Variants in PGAP1 observed in about 807,000 individuals in gnomAD.
The protein encoded by PGAP1 is post-GPI attachment to proteins inositol deacylase 1.
A neutral mutation model predicts 127.0 loss-of-function variants in PGAP1; 76 were observed. The ratio of observed to expected loss-of-function variants is 0.60; its 90% confidence interval spans 0.50 to 0.72. The LOEUF is 0.72. Among genes scored for constraint, PGAP1 ranks in the 30% least tolerant of loss-of-function variants. PGAP1 has a pLI of 0.00. For missense variants in PGAP1, 982 were observed against 1,071.3 expected, an observed-to-expected ratio of 0.92 and a Z score of 1.16; for synonymous variants, 362 against 366.5, an observed-to-expected ratio of 0.99 and a Z score of 0.14.
At chr2:196,856,132 G>A (rs1416113902) in intron 20 of PGAP1, among the ~76,000 whole-genome samples, 1 of 152,112 alleles carries the variant, frequency 6.6e-6, no homozygotes, top group East Asian at 1.9e-4. Context: ...TCGTGCCTCA[G>A]TATCCTGAGT....
rs1291184120 is a variant in PGAP1 at position 196,867,484 on chromosome 2, C to T, written c.1768-2404G>A. On this transcript the variant is annotated intron_variant, in intron 19 of 26. Transcript: ENST00000354764. ...ACACCAGGGCCTGTCCAGGGGTGGG[C>T]GGCTAAGGGAGGGATAGCTTTAGGA... 4.6e-5 allele frequency among the ~76,000 whole-genome samples: 7 copies of T among 151,910 alleles called. No individual in the cohort carries two copies. In the East Asian group the frequency reaches 5.8e-4, roughly 13 times the overall value.
chr2:196,840,406 A>T lies in PGAP1; in HGVS notation c.*828T>A, dbSNP rs1700373575. 1 of 152,158 alleles carries T rather than the reference A, an allele frequency of 6.6e-6. No homozygotes were observed. Among genetic ancestry groups the T allele is most frequent in the South Asian group, 2.1e-4 (1 of 4,820 alleles). The allele number at this position is 152,158 out of a possible 1,614,324, so 9.4% of individuals were successfully genotyped here. A position where few individuals can be genotyped will look rare whatever the true frequency, so the allele number is the denominator to read the frequency against. On this transcript the variant is annotated 3_prime_UTR_variant, in exon 27 of 27. Transcript: ENST00000354764. ...ATGACCTCAGGCACTTTTGGCAACC[A>T]TGGTGCAATGAATTGAATCCAATGG...
chr2:196,839,508 G>A lies in PGAP1; in HGVS notation c.*1726C>T, dbSNP rs972191729. On this transcript the variant is annotated 3_prime_UTR_variant, in exon 27 of 27. Coordinates refer to ENST00000354764, the MANE Select transcript of PGAP1 (RefSeq NM_024989.4). Reference sequence around the variant, plus strand: ...CTCTCAAACAAACAAGCACCTGTCTGCCATATCCCCACCACGAGTTTATCA... The same window carrying A: ...CTCTCAAACAAACAAGCACCTGTCTACCATATCCCCACCACGAGTTTATCA... 1 of 152,150 alleles carries A rather than the reference G, an allele frequency of 6.6e-6. No homozygotes were observed. The highest frequency in any genetic ancestry group is 2.4e-5 in the African/African-American group (1 of 41,396). 9.4% of individuals were successfully genotyped at this position (152,150 alleles called of 1,614,324 possible).
At position 196,847,274 on chromosome 2, in the gene PGAP1, G is replaced by A. The variant is rs757894156; in HGVS notation, c.1953-74C>T. ...TAAGGACTTAATATTTGAGGTGTCT[G>A]ACTATTCAAGAGAGTCTCTAAAGTT... On this transcript the variant is annotated intron_variant, in intron 21 of 26. Transcript: ENST00000354764. 7.4e-4 allele frequency: 827 copies of A among 1,110,994 alleles called. 3 individuals are homozygous for A. Among genetic ancestry groups the A allele is most frequent in the South Asian group, 9.7e-4 (64 of 66,314 alleles). The allele number at this position is 1,110,994 out of a possible 1,614,324, so 68.8% of individuals were successfully genotyped here. A position where few individuals can be genotyped will look rare whatever the true frequency, so the allele number is the denominator to read the frequency against.
chr2:196,847,948 C>A lies in PGAP1; in HGVS notation c.1951G>T (p.Gly651Trp). The A allele has an allele frequency of 6.4e-7, 1 of 1,562,460 alleles. No individual in the cohort carries two copies. Among genetic ancestry groups the A allele is most frequent in the Non-Finnish European group, 8.7e-7 (1 of 1,155,214 alleles). Residue 651 changes from glycine (G) to tryptophan (W), a missense_variant and splice_region_variant, in exon 21 of 27, where the codon GGG (glycine) becomes TGG (tryptophan). Coordinates refer to ENST00000354764, the MANE Select transcript of PGAP1 (RefSeq NM_024989.4). ...PFVIIIKFLL[G>W]YKWFKELWDV... is the part of the protein sequence containing the mutation. The stretch of plus-strand genomic sequence containing the variant: ...ATTATCACAGATAATAAAACTTACC[C>A]CAACAGAAACTTAATGATAATTACA...
Position 196,833,815 on chromosome 2 carries a change from T to C in PGAP1, c.*7419A>G, listed in dbSNP as rs1362455806. 1 of 152,058 alleles carries C rather than the reference T, an allele frequency of 6.6e-6. No individual in the cohort carries two copies. Among genetic ancestry groups the C allele is most frequent in the Non-Finnish European group, 1.5e-5 (1 of 67,960 alleles). The allele number at this position is 152,058 out of a possible 1,614,324, so 9.4% of individuals were successfully genotyped here. ...ATGATTATCCTGTGAATAAAATAAT[T>C]TGGACCTTAATATAAATTATATCCA... On this transcript the variant is annotated 3_prime_UTR_variant, in exon 27 of 27. Transcript: ENST00000354764.
In PGAP1 at chr2:196,833,670, C is replaced by T. The variant is rs144889607; in HGVS notation, c.*7564G>A. ...TAGAGAAATCTATATTTTTGTCTGGCGAGTAGGTAGTGGAGGTAAAATGGG... is the reference window on the plus strand; with the variant it reads ...TAGAGAAATCTATATTTTTGTCTGGTGAGTAGGTAGTGGAGGTAAAATGGG... On this transcript the variant is annotated 3_prime_UTR_variant, in exon 27 of 27. Transcript: ENST00000354764. 5.3e-5 allele frequency: 8 copies of T among 151,930 alleles called. No individual in the cohort carries two copies. Among genetic ancestry groups the T allele is most frequent in the African/African-American group, 1.2e-4 (5 of 41,450 alleles). The allele number at this position is 151,930 out of a possible 1,614,324, so 9.4% of individuals were successfully genotyped here.
chr2:196,842,426 C>A (rs562627608), intron 26 of PGAP1, among the ~76,000 whole-genome samples: 3 of 152,138 alleles, frequency 2.0e-5, no homozygotes, highest in African/African-American at 7.2e-5. Context: ...CAAATCATGG[C>A]CAATTTTATC....
Position 196,900,366 on chromosome 2 carries a change from G to A in PGAP1, c.808-1997C>T, listed in dbSNP as rs545239207. The stretch of plus-strand genomic sequence containing the variant: ...TTACAGCAGTTTAGTCAACCCTCTT[G>A]ATACAATTATGGTCTCTAACTTAAA... On this transcript the variant is annotated intron_variant, in intron 5 of 26. Coordinates refer to ENST00000354764, the MANE Select transcript of PGAP1 (RefSeq NM_024989.4). 6.6e-5 allele frequency among the ~76,000 whole-genome samples: 10 copies of A among 152,236 alleles called. No individual in the cohort carries two copies. In the South Asian group the frequency reaches 2.1e-3, roughly 32 times the overall value.
At position 196,912,865 on chromosome 2, in the gene PGAP1, C is replaced by T. The variant is rs12693800; in HGVS notation, c.649+17G>A. The T allele has an allele frequency of 0.88, 1,378,129 of 1,565,298 alleles. 607,253 individuals are homozygous for T. Among genetic ancestry groups the T allele is most frequent in the East Asian group, 0.98 (43,023 of 43,974 alleles). On this transcript the variant is annotated intron_variant, in intron 4 of 26. Transcript: ENST00000354764. ...AAATAACAATGGGGAGGTTAATGTT[C>T]ATGTAACAGTACTCACCTGTAATGA...
chr2:196,843,802 T>C, intron 25 of PGAP1, 86 bp downstream of exon 25: 1 of 791,698 alleles, frequency 1.3e-6, no homozygotes, highest in Non-Finnish European at 1.8e-6. Flanking sequence ...GGAATTTTCA[T>C]TAACCATTAG....
chr2:196,884,111 AC>A (rs750180617), intron 12 of PGAP1, among the ~76,000 whole-genome samples: 9 of 152,200 alleles, frequency 5.9e-5, no homozygotes, highest in Non-Finnish European at 1.0e-4. Context: ...ACCTTTTAAA[AC>A]ATAGGAAGCA....
In PGAP1 at chr2:196,926,373, G is replaced by A. The variant is rs1169237501; in HGVS notation, c.147+97C>T. ...CGAGGACGGGACAGGGGGCCCGAGA[G>A]GCGCAGAGAGCCAAGGCAGGACGAA... is the stretch of plus-strand genomic sequence containing the variant. On this transcript the variant is annotated intron_variant, in intron 1 of 26. Coordinates refer to ENST00000354764, the MANE Select transcript of PGAP1 (RefSeq NM_024989.4). 1.9e-6 allele frequency: 3 copies of A among 1,564,826 alleles called. No homozygotes were observed. The African/African-American group carries it at 4.1e-5, about 21-fold the overall frequency.
chr2:196,898,320 A>G lies in PGAP1; in HGVS notation c.857T>C (p.Val286Ala), dbSNP rs1265102731. Residue 286 changes from valine (V) to alanine (A), a missense_variant, in exon 6 of 27, where the codon GTG becomes GCG. By Grantham distance (64) the Val-to-Ala change is moderately conservative. Transcript: ENST00000354764. ...TWVSTDHLSI[V>A]WCKQLQLTTV... is the part of the protein sequence containing the mutation. ...AGTTATACAAGTATTAACTTACCAC[A>G]CAATGGAGAGGTGGTCTGTTGAGAC... 1.2e-6 allele frequency: 2 copies of G among 1,603,282 alleles called. No homozygotes were observed. Among genetic ancestry groups the G allele is most frequent in the Admixed American group, 1.7e-5 (1 of 59,616 alleles).
At chr2:196,868,041 G>T (rs554031711) in intron 19 of PGAP1, among the ~76,000 whole-genome samples, 1 of 152,184 alleles carries the variant, frequency 6.6e-6, no homozygotes, top group African/African-American at 2.4e-5. Context: ...CAGACTCCTG[G>T]ATTTAGATTC....
chr2:196,848,444 A>G (rs898306078), intron 20 of PGAP1, among the ~76,000 whole-genome samples: 1 of 152,136 alleles, frequency 6.6e-6, no homozygotes, highest in African/African-American at 2.4e-5. Flanking sequence ...CCACAAAAGA[A>G]AGTTTTCTTT....
At chr2:196,893,815 G>C (rs545519103) in intron 7 of PGAP1, among the ~76,000 whole-genome samples, 4 of 152,148 alleles carry the variant, frequency 2.6e-5, no homozygotes, top group African/African-American at 9.6e-5. Context: ...TAAAAAGTTG[G>C]CAACTTTAAA....
In PGAP1 at chr2:196,840,178, A is replaced by C. The variant is rs1023153120; in HGVS notation, c.*1056T>G. 2.6e-5 allele frequency: 4 copies of C among 152,166 alleles called. No individual in the cohort carries two copies. The highest frequency in any genetic ancestry group is 5.9e-5 in the Non-Finnish European group (4 of 68,024). The allele number at this position is 152,166 out of a possible 1,614,324, so 9.4% of individuals were successfully genotyped here. A position where few individuals can be genotyped will look rare whatever the true frequency, so the allele number is the denominator to read the frequency against. On this transcript the variant is annotated 3_prime_UTR_variant, in exon 27 of 27. Coordinates refer to ENST00000354764, the MANE Select transcript of PGAP1 (RefSeq NM_024989.4). ...GTTAAACCTAGTGGCTAATGTCTCC[A>C]ATTTATTCAGGTGTACTGTTTATAC...
At chr2:196,918,697 T>C (rs1703090835) in intron 2 of PGAP1, among the ~76,000 whole-genome samples, 1 of 152,160 alleles carries the variant, frequency 6.6e-6, no homozygotes, top group Non-Finnish European at 1.5e-5. Flanking sequence ...AGGACTGTGA[T>C]TCTGTCAAGA....
Sources: allele counts gnomAD v4.1 joint callset (sites outside exome capture counted in the v4.1 genomes callset), GRCh38; gene constraint gnomAD v4.1.1; transcripts MANE v1.5; gene names NCBI Gene and HGNC (gene_info 2026-07-23, HGNC 2026-07-21).